Variants in STAB2 observed in about 807,000 individuals in gnomAD.
STAB2 encodes stabilin 2.
In STAB2, 288 loss-of-function variants were observed where a neutral mutation model predicts 338.1. That is an observed-to-expected ratio of 0.85 (90% CI 0.77 to 0.94). The LOEUF (loss-of-function observed/expected upper bound fraction) is 0.94. Ranked by LOEUF, STAB2 falls within the 40% of genes least tolerant of loss-of-function variation. The probability of loss-of-function intolerance (pLI) is 0.00; values close to 1 mark genes in which losing one functional copy is unlikely to be tolerated. For missense variants in STAB2, 3,141 were observed against 3,210.1 expected, an observed-to-expected ratio of 0.98 and a Z score of 0.52; for synonymous variants, 1,202 against 1,193.3, an observed-to-expected ratio of 1.01 and a Z score of -0.15.
At chr12:103,616,520 G>A (rs1957213085) in intron 3 of STAB2, among the ~76,000 whole-genome samples, 1 of 152,220 alleles carries the variant, frequency 6.6e-6, no homozygotes, top group East Asian at 1.9e-4. Context: ...TGGGAGACTG[G>A]GATTTAGGCA....
chr12:103,663,782 AG>A (rs1330887864), intron 18 of STAB2, among the ~76,000 whole-genome samples: 3 of 152,218 alleles, frequency 2.0e-5, no homozygotes, highest in African/African-American at 7.2e-5. Flanking sequence ...CTGAGGTTCC[AG>A]GGGACACAAG....
At chr12:103,632,803 A>G (rs1381515417) in intron 6 of STAB2, among the ~76,000 whole-genome samples, 1 of 152,144 alleles carries the variant, frequency 6.6e-6, no homozygotes, top group Admixed American at 6.5e-5. Flanking sequence ...AAAACTTAAC[A>G]TCGACCTGTG....
At chr12:103,736,151 T>C (rs1175517817) in intron 52 of STAB2, among the ~76,000 whole-genome samples, 1 of 152,212 alleles carries the variant, frequency 6.6e-6, no homozygotes, top group African/African-American at 2.4e-5. Context: ...CTTAAATATA[T>C]AAGGATTTAT....
At chr12:103,689,133 C>T (rs761267337) in intron 28 of STAB2, among the ~76,000 whole-genome samples, 15 of 152,110 alleles carry the variant, frequency 9.9e-5, no homozygotes, top group Non-Finnish European at 1.9e-4. Context: ...TACTTTCTCC[C>T]ATGCTGAAAC....
chr12:103,656,694 T>G (rs1874204066), intron 15 of STAB2, among the ~76,000 whole-genome samples: 1 of 150,766 alleles, frequency 6.6e-6, no homozygotes, highest in African/African-American at 2.4e-5. Context: ...TTTTTTTTTT[T>G]TTTGAGACGG....
chr12:103,620,755 C>CT (rs376631580), intron 4 of STAB2, among the ~76,000 whole-genome samples: 15 of 152,202 alleles, frequency 9.9e-5, no homozygotes, highest in African/African-American at 3.6e-4. Context: ...GCCTGGGGGC[C>CT]TTTAGGAGAG....
intron 2 of STAB2, among the ~76,000 whole-genome samples, chr12:103,593,499 C>T (rs1226475766): frequency 6.6e-6 from 1 of 152,160 alleles, no homozygotes; most frequent in Non-Finnish European, 1.5e-5. Context: ...GATATTTGGT[C>T]CTGCCCTTGG....
rs1429714926 is a variant in STAB2 at position 103,713,767 on chromosome 12, G to T, written c.4536G>T (p.Leu1512=). The change falls in exon 42 of 69, where the codon CTG becomes CTT. Residue 1512 remains leucine (L), a splice_region_variant and synonymous_variant. Transcript: ENST00000388887. ...AGYTGDGIVC[L]EINPCLENHG... The stretch of plus-strand genomic sequence containing the variant: ...ACACGGGTGATGGCATTGTGTGCCT[G>T]GGTAGGTGTCCTTCCCTCTTCCATC... The T allele has an allele frequency of 2.5e-5, 41 of 1,613,540 alleles. No individual in the cohort carries two copies. The Admixed American group carries it at 6.8e-4, about 27-fold the overall frequency.
chr12:103,620,502 C>G lies in STAB2; in HGVS notation c.366C>G (p.Gly122=), dbSNP rs1957281728. The G allele has an allele frequency of 6.3e-7, 1 of 1,584,446 alleles. No individual in the cohort carries two copies. The highest frequency in any genetic ancestry group is 1.3e-5 in the African/African-American group (1 of 74,292). The change falls in exon 4 of 69, where the codon GGC becomes GGG. Residue 122 remains glycine (G), a synonymous_variant. Transcript: ENST00000388887. ...GTGGAGCGGGGTCACCCTGCAATGG[C>G]AGAGGCAGTTGTGCTGAAGGCATGG... ...CPGGAGSPCN[G]RGSCAEGMEG...
chr12:103,763,442 G>A (rs768598646), intron 67 of STAB2, 50 bp from the exon 68 acceptor site: 22 of 1,566,186 alleles, frequency 1.4e-5, no homozygotes, highest in South Asian at 6.8e-5. Flanking sequence ...TGGCTGAGAC[G>A]CTCCTGCTTT....
At chr12:103,705,242 T>C (rs1480715352) in intron 36 of STAB2, among the ~76,000 whole-genome samples, 1 of 152,246 alleles carries the variant, frequency 6.6e-6, no homozygotes, top group Non-Finnish European at 1.5e-5. Context: ...ATAATCTTTG[T>C]ATGCAGCCTT....
At chr12:103,658,631 A>G (rs1181549576) in intron 15 of STAB2, among the ~76,000 whole-genome samples, 1 of 152,142 alleles carries the variant, frequency 6.6e-6, no homozygotes, top group East Asian at 1.9e-4. Context: ...TCATGGGTTA[A>G]GTGACTTGCA....
chr12:103,686,212 C>T (rs775550205), intron 27 of STAB2, among the ~76,000 whole-genome samples: 1 of 152,198 alleles, frequency 6.6e-6, no homozygotes, highest in Non-Finnish European at 1.5e-5. Flanking sequence ...ATTCCCAGGA[C>T]CCGCAGCCTG....
chr12:103,652,699 C>A lies in STAB2; in HGVS notation c.1401C>A (p.Ser467Arg), dbSNP rs73187902. Residue 467 changes from serine to arginine, a missense_variant, in exon 12 of 69, where the codon AGC becomes AGA. Physicochemically the swap from Ser to Arg is moderately radical, Grantham distance 110. Transcript: ENST00000388887. ...GAAAGTCGGGGGAAATCTTCAACAG[C>A]GATAAGGTAAGGGTTCCTCTGATTT... ...LTGKSGEIFN[S>R]DKDNQIKLKL... The A allele has an allele frequency of 6.3e-7, 1 of 1,597,992 alleles. No homozygotes were observed. Among genetic ancestry groups the A allele is most frequent in the South Asian group, 1.2e-5 (1 of 86,112 alleles).
intron 42 of STAB2, among the ~76,000 whole-genome samples, chr12:103,714,496 G>A (rs1193899120): frequency 1.3e-5 from 2 of 152,056 alleles, no homozygotes; most frequent in African/African-American, 4.8e-5. Context: ...TCAGGAGTTC[G>A]AGACAAGCCT....
chr12:103,614,088 T>C (rs757293084), intron 3 of STAB2, among the ~76,000 whole-genome samples: 3 of 152,216 alleles, frequency 2.0e-5, no homozygotes, highest in Non-Finnish European at 4.4e-5. Context: ...ATATCATATA[T>C]GTGATCTCTG....
intron 34 of STAB2, 37 bp downstream of exon 34, chr12:103,699,264 C>A: frequency 6.3e-7 from 1 of 1,585,182 alleles, no homozygotes; most frequent in Non-Finnish European, 8.6e-7. Context: ...GCAATGCCAC[C>A]GAGAATTACA....
chr12:103,623,928 A>G (rs1349299481), intron 5 of STAB2, among the ~76,000 whole-genome samples: 1 of 152,174 alleles, frequency 6.6e-6, no homozygotes, highest in East Asian at 1.9e-4. Context: ...AATCGCAGTC[A>G]GTAAGGTCTA....
intron 9 of STAB2, among the ~76,000 whole-genome samples, chr12:103,643,349 C>G (rs1437974011): frequency 6.6e-6 from 1 of 152,162 alleles, no homozygotes; most frequent in African/African-American, 2.4e-5. Flanking sequence ...TCAAACATGC[C>G]ATGGTGCTCC....
Sources: allele counts gnomAD v4.1 joint callset (sites outside exome capture counted in the v4.1 genomes callset), GRCh38; gene constraint gnomAD v4.1.1; transcripts MANE v1.5; gene names NCBI Gene and HGNC (gene_info 2026-07-23, HGNC 2026-07-21).